PDK1: variants seen among roughly 807,000 people sequenced by gnomAD.
The protein encoded by PDK1 is pyruvate dehydrogenase kinase 1.
A neutral mutation model predicts 54.2 loss-of-function variants in PDK1; 39 were observed. That is an observed-to-expected ratio of 0.72 (90% CI 0.56 to 0.94). The LOEUF is 0.94. Among genes scored for constraint, PDK1 ranks in the 40% least tolerant of loss-of-function variants. The pLI, the probability that PDK1 is intolerant of heterozygous loss-of-function variation, is 0.00. For missense variants in PDK1, 552 were observed against 566.0 expected, an observed-to-expected ratio of 0.98 and a Z score of 0.25; for synonymous variants, 221 against 207.1, an observed-to-expected ratio of 1.07 and a Z score of -0.58.
the PDK1 span, among the ~76,000 whole-genome samples, chr2:172,631,001 A>G: frequency 1.4e-4 from 21 of 152,280 alleles, no homozygotes; most frequent in South Asian, 1.9e-3. Context: ...TACATATTCT[A>G]TGTTCACTTC....
downstream of PDK1, among the ~76,000 whole-genome samples, chr2:172,613,514 GCA>G (rs1691526486): frequency 6.6e-6 from 1 of 151,986 alleles, no homozygotes; most frequent in African/African-American, 2.4e-5. Flanking sequence ...GAGTGCAGTG[GCA>G]CAGTGATGGC....
At chr2:172,723,233 G>A in the PDK1 span, 1 of 152,126 alleles carries the variant, frequency 6.6e-6, no homozygotes, top group Non-Finnish European at 1.5e-5. Context: ...GCTCTCAAGT[G>A]CCTGGATTTC....
At chr2:172,570,658 G>T in intron 7 of PDK1, 68 bp from the exon 8 acceptor site, 1 of 881,016 alleles carries the variant, frequency 1.1e-6, no homozygotes, top group South Asian at 1.5e-5. Context: ...TAGTGCATAT[G>T]TACTTGAAAA....
At chr2:172,562,968 G>C (rs979878152) in intron 3 of PDK1, among the ~76,000 whole-genome samples, 5 of 152,196 alleles carry the variant, frequency 3.3e-5, no homozygotes, top group African/African-American at 1.2e-4. Flanking sequence ...AAAGTGAACA[G>C]TAACACTTCA....
the PDK1 span, among the ~76,000 whole-genome samples, chr2:172,615,260 A>G: frequency 3.9e-5 from 6 of 152,236 alleles, no homozygotes; most frequent in African/African-American, 1.2e-4. Context: ...CTCTACTCTG[A>G]AAACAGCAGC....
the PDK1 span, among the ~76,000 whole-genome samples, chr2:172,703,006 A>T: frequency 1.3e-5 from 2 of 152,236 alleles, no homozygotes; most frequent in Non-Finnish European, 2.9e-5. Flanking sequence ...ATATTTTTGC[A>T]TGTGTGATTA....
the PDK1 span, among the ~76,000 whole-genome samples, chr2:172,636,213 T>G: frequency 6.6e-6 from 1 of 152,196 alleles, no homozygotes; most frequent in Non-Finnish European, 1.5e-5. Flanking sequence ...GGCTGGGCAA[T>G]TTATAAAGAA....
intron 5 of PDK1, among the ~76,000 whole-genome samples, chr2:172,565,627 T>C (rs1484281760): frequency 1.3e-5 from 2 of 152,164 alleles, no homozygotes; most frequent in African/African-American, 4.8e-5. Context: ...TAAAAAAGAA[T>C]TGAAGTCCCT....
At chr2:172,693,546 T>TATGA in the PDK1 span, among the ~76,000 whole-genome samples, 1 of 152,226 alleles carries the variant, frequency 6.6e-6, no homozygotes, top group Non-Finnish European at 1.5e-5. Context: ...CCTGATGCTA[T>TATGA]ATGAGTGTTT....
the PDK1 span, among the ~76,000 whole-genome samples, chr2:172,617,229 A>C: frequency 6.6e-6 from 1 of 152,210 alleles, no homozygotes; most frequent in Non-Finnish European, 1.5e-5. Flanking sequence ...CTAAGATTAC[A>C]GGCATGAGCC....
the PDK1 span, among the ~76,000 whole-genome samples, chr2:172,655,065 T>C: frequency 1.2e-4 from 18 of 152,166 alleles, no homozygotes; most frequent in Non-Finnish European, 1.5e-5. Context: ...ATATCCTGGA[T>C]TTTGGATGAT....
At chr2:172,621,176 GA>G in the PDK1 span, among the ~76,000 whole-genome samples, 1 of 152,266 alleles carries the variant, frequency 6.6e-6, no homozygotes, top group African/African-American at 2.4e-5. Context: ...CGATTGGATT[GA>G]AGGATGCAAG....
At chr2:172,634,871 T>G in the PDK1 span, among the ~76,000 whole-genome samples, 2 of 152,204 alleles carry the variant, frequency 1.3e-5, no homozygotes, top group African/African-American at 2.4e-5. Flanking sequence ...ATGAAGTAAC[T>G]GCAGTGTATT....
At chr2:172,578,464 C>A (rs532658689) in intron 8 of PDK1, among the ~76,000 whole-genome samples, 2 of 151,848 alleles carry the variant, frequency 1.3e-5, no homozygotes, top group African/African-American at 2.4e-5. Flanking sequence ...CATTTTATTG[C>A]CCTATATTTT....
the PDK1 span, among the ~76,000 whole-genome samples, chr2:172,671,053 G>A: frequency 6.6e-6 from 1 of 150,828 alleles, no homozygotes; most frequent in South Asian, 2.1e-4. Flanking sequence ...TTATAGGAAG[G>A]ATGATAAAAA....
chr2:172,559,480 C>G (rs1688539724), intron 2 of PDK1, among the ~76,000 whole-genome samples: 1 of 152,142 alleles, frequency 6.6e-6, no homozygotes, highest in African/African-American at 2.4e-5. Context: ...TGTATATTGC[C>G]TTTAATCCCT....
chr2:172,637,129 C>G, the PDK1 span, among the ~76,000 whole-genome samples: 1 of 152,204 alleles, frequency 6.6e-6, no homozygotes, highest in Non-Finnish European at 1.5e-5. Context: ...TGCATTAGAA[C>G]TGACTCAAGT....
At chr2:172,574,587 T>G (rs1383296977) in intron 8 of PDK1, among the ~76,000 whole-genome samples, 1 of 151,954 alleles carries the variant, frequency 6.6e-6, no homozygotes, top group Non-Finnish European at 1.5e-5. Context: ...TCTTTATAGG[T>G]CTTCTTTGCT....
the PDK1 span, among the ~76,000 whole-genome samples, chr2:172,650,321 C>A: frequency 1.3e-5 from 2 of 152,172 alleles, no homozygotes; most frequent in Admixed American, 6.5e-5. Flanking sequence ...CTTGCAAGAG[C>A]TCCTGAAGGA....
Sources: gnomAD v4.1 joint callset for allele counts (sites outside exome capture counted in the v4.1 genomes callset) on GRCh38, gnomAD v4.1.1 for gene constraint, MANE v1.5 for transcripts, NCBI Gene and HGNC (gene_info 2026-07-23, HGNC 2026-07-21) for gene names.